Variants in PIAS1 observed in about 807,000 individuals in gnomAD.
PIAS1 encodes the protein protein inhibitor of activated STAT 1, also known as E3 SUMO-protein ligase PIAS1.
In PIAS1, 6 loss-of-function variants were observed where a neutral mutation model predicts 71.3. That is an observed-to-expected ratio of 0.08 (90% confidence interval 0.05 to 0.17). PIAS1 has a LOEUF of 0.17. PIAS1 is among the 10% of genes least tolerant of loss of function. The pLI is 1.00. For synonymous variants in PIAS1, 303 were observed against 292.9 expected (o/e 1.03, Z -0.35); for missense variants, 555 against 793.6 (o/e 0.70, Z 3.61).
intron 7 of PIAS1, among the ~76,000 whole-genome samples, chr15:68,155,882 C>G (rs576586401): frequency 6.6e-6 from 1 of 152,208 alleles, no homozygotes; most frequent in Non-Finnish European, 1.5e-5. Context: ...AACACTATCC[C>G]CCTCTCTCAG....
At chr15:68,124,987 G>T (rs902860980) in intron 2 of PIAS1, among the ~76,000 whole-genome samples, 2 of 152,088 alleles carry the variant, frequency 1.3e-5, no homozygotes, top group Admixed American at 1.3e-4. Flanking sequence ...CACTCCTACC[G>T]TATAATCTGT....
chr15:68,103,497 G>A (rs2092445647), intron 2 of PIAS1, among the ~76,000 whole-genome samples: 1 of 151,854 alleles, frequency 6.6e-6, no homozygotes, highest in Non-Finnish European at 1.5e-5. Context: ...CCTTTAAAGT[G>A]TACAATTCAT....
chr15:68,140,382 T>C (rs1228735302), intron 2 of PIAS1, among the ~76,000 whole-genome samples: 1 of 152,204 alleles, frequency 6.6e-6, no homozygotes, highest in Non-Finnish European at 1.5e-5. Context: ...AGATACATCC[T>C]CTAAGAAGCA....
chr15:68,109,696 A>C (rs1595731921), intron 2 of PIAS1, among the ~76,000 whole-genome samples: 1 of 152,236 alleles, frequency 6.6e-6, no homozygotes, highest in Non-Finnish European at 1.5e-5. Context: ...TGCCTTATTC[A>C]GCCCTTGACC....
intron 2 of PIAS1, among the ~76,000 whole-genome samples, chr15:68,090,851 A>G (rs2092326224): frequency 6.6e-6 from 1 of 152,150 alleles, no homozygotes; most frequent in African/African-American, 2.4e-5. Context: ...AATCCATAGA[A>G]ATTATAATTA....
chr15:68,146,293 T>G (rs982132060), intron 5 of PIAS1, among the ~76,000 whole-genome samples: 6 of 152,186 alleles, frequency 3.9e-5, no homozygotes, highest in African/African-American at 1.4e-4. Flanking sequence ...CTCATGTACC[T>G]ATCTAAGCTT....
At chr15:68,159,293 C>G (rs1313853017) in intron 7 of PIAS1, among the ~76,000 whole-genome samples, 1 of 152,068 alleles carries the variant, frequency 6.6e-6, no homozygotes, top group Non-Finnish European at 1.5e-5. Context: ...TTTCTTCATA[C>G]TTTCTTATGA....
At chr15:68,081,712 G>A (rs1265548467) in intron 1 of PIAS1, among the ~76,000 whole-genome samples, 1 of 151,946 alleles carries the variant, frequency 6.6e-6, no homozygotes, top group African/African-American at 2.4e-5. Context: ...ATGTAAAAAT[G>A]CACAAGGAAA....
At chr15:68,090,546 A>G (rs2092324205) in intron 2 of PIAS1, among the ~76,000 whole-genome samples, 2 of 152,234 alleles carry the variant, frequency 1.3e-5, no homozygotes, top group Non-Finnish European at 2.9e-5. Context: ...ATGGTAGTTC[A>G]GTAAACATTT....
intron 2 of PIAS1, among the ~76,000 whole-genome samples, chr15:68,098,495 A>T (rs1401716222): frequency 6.6e-6 from 1 of 152,224 alleles, no homozygotes; most frequent in East Asian, 1.9e-4. Context: ...CCACACAGTT[A>T]AAATCTGTGT....
rs10532167 is a variant in PIAS1 at position 68,182,425 on chromosome 15, A to AGTGTGTGTGTGT, written c.1624+1096_1624+1107dup. ...ACCCCATTCCCGGGAAGTTACAGCT[A>AGTGTGTGTGTGT]GTGTGTGTGTGTGTGTGTGTGTGTG... On this transcript the variant is annotated intron_variant, in intron 12 of 13. Coordinates refer to ENST00000249636, the MANE Select transcript of PIAS1 (RefSeq NM_016166.3). Among the ~76,000 whole-genome samples the AGTGTGTGTGTGT allele has an allele frequency of 1.6e-3, 202 of 123,334 alleles. 1 individual carries two copies. The highest frequency in any genetic ancestry group is 9.2e-3 in the Admixed American group (112 of 12,224). The allele number at this position is 123,334 out of a possible 152,430, so 80.9% of individuals were successfully genotyped here.
chr15:68,141,970 G>C lies in PIAS1; in HGVS notation c.494G>C (p.Arg165Pro), dbSNP rs772734842. 2 of 1,603,784 alleles carry C rather than the reference G, an allele frequency of 1.2e-6. No individual in the cohort carries two copies. Residue 165 changes from arginine to proline, a missense_variant, in exon 3 of 14, where the codon CGA becomes CCA. Arg to Pro is a moderately radical substitution (Grantham distance 103). Around this residue, in one of 5 missense-constraint regions of PIAS1, gnomAD observed 134 missense variants for 203.4 expected, o/e 0.66. Transcript: ENST00000249636. ...GCATCAGACAACAGTCAGCGCTTTC[G>C]AGAAACCTGTTTTGCATTTGCCTTG... is the stretch of plus-strand genomic sequence containing the variant. ...SLASDNSQRF[R>P]ETCFAFALTP...
At chr15:68,105,805 T>C (rs1373602708) in intron 2 of PIAS1, among the ~76,000 whole-genome samples, 2 of 152,032 alleles carry the variant, frequency 1.3e-5, no homozygotes, top group Non-Finnish European at 2.9e-5. Context: ...ACGCCATCTC[T>C]AAAAAAAATT....
At chr15:68,073,609 G>T (rs2092125571) in intron 1 of PIAS1, among the ~76,000 whole-genome samples, 1 of 152,142 alleles carries the variant, frequency 6.6e-6, no homozygotes, top group African/African-American at 2.4e-5. Context: ...AGAACTTACT[G>T]ATTTGGAGTT....
intron 2 of PIAS1, among the ~76,000 whole-genome samples, chr15:68,089,875 AATTTT>A (rs916207925): frequency 4.8e-5 from 7 of 146,492 alleles, no homozygotes; most frequent in Non-Finnish European, 7.5e-5. Context: ...TTATTTTTTA[AATTTT>A]ATTTTATTTT....
intron 1 of PIAS1, among the ~76,000 whole-genome samples, chr15:68,059,000 C>G (rs868391231): frequency 2.8e-4 from 24 of 84,918 alleles, no homozygotes; most frequent in African/African-American, 1.1e-3. Flanking sequence ...GATTATTCTA[C>G]TTTTTTTTTT....
chr15:68,155,140 G>C (rs998195700), intron 7 of PIAS1, among the ~76,000 whole-genome samples: 59 of 152,260 alleles, frequency 3.9e-4, no homozygotes, highest in African/African-American at 1.3e-3. Flanking sequence ...TCCGCTTGTA[G>C]CTATAGCACC....
intron 2 of PIAS1, among the ~76,000 whole-genome samples, chr15:68,106,253 A>ATTGGAGAT (rs1289819349): frequency 6.7e-6 from 1 of 148,758 alleles, no homozygotes; most frequent in Non-Finnish European, 1.5e-5. Flanking sequence ...GAATATGTAT[A>ATTGGAGAT]TTGGAGATAC....
chr15:68,099,768 C>T (rs972280327), intron 2 of PIAS1, among the ~76,000 whole-genome samples: 5 of 151,700 alleles, frequency 3.3e-5, no homozygotes, highest in Non-Finnish European at 7.4e-5. Context: ...TCCAGTTTTT[C>T]TCTGTCTTTG....
Sources: allele counts gnomAD v4.1 joint callset (sites outside exome capture counted in the v4.1 genomes callset), GRCh38; gene constraint gnomAD v4.1.1; regional missense constraint gnomAD v4.1.1; transcripts MANE v1.5; gene names NCBI Gene and HGNC (gene_info 2026-07-23, HGNC 2026-07-21).